Variants in LRRC4C observed in about 807,000 individuals in gnomAD.
LRRC4C encodes leucine rich repeat containing 4C.
LRRC4C carries 5 observed loss-of-function variants against 33.6 expected under a neutral mutation model. The observed-to-expected ratio is 0.15, with a 90% CI of 0.08 to 0.31. The LOEUF (loss-of-function observed/expected upper bound fraction) is 0.31, where lower values mean the gene tolerates loss of function less well. LRRC4C is among the 10% of genes least tolerant of loss of function. The pLI is 1.00. For synonymous variants in LRRC4C, 329 were observed against 302.0 expected, an observed-to-expected ratio of 1.09 and a Z score of -0.93; for missense variants, 560 against 796.7, an observed-to-expected ratio of 0.70 and a Z score of 3.58.
chr11:41,176,899 A>C (rs1945223891), intron 1 of LRRC4C, among the ~76,000 whole-genome samples: 1 of 152,132 alleles, frequency 6.6e-6, no homozygotes, highest in Admixed American at 6.5e-5. Context: ...TAGGAGGCAG[A>C]GGTTGCAGCG....
At chr11:40,194,623 G>C (rs903267904) in intron 5 of LRRC4C, among the ~76,000 whole-genome samples, 1 of 151,676 alleles carries the variant, frequency 6.6e-6, no homozygotes, top group Non-Finnish European at 1.5e-5. Context: ...CCTGTCGGGG[G>C]GTGGGGGGCA....
intron 3 of LRRC4C, among the ~76,000 whole-genome samples, chr11:40,327,257 C>T (rs1946145951): frequency 6.6e-6 from 1 of 152,176 alleles, no homozygotes; most frequent in Non-Finnish European, 1.5e-5. Flanking sequence ...TCAACAGAGG[C>T]TGCTTCTGGA....
chr11:41,019,741 T>C (rs978953464), intron 1 of LRRC4C, among the ~76,000 whole-genome samples: 1 of 152,192 alleles, frequency 6.6e-6, no homozygotes, highest in African/African-American at 2.4e-5. Context: ...TATCTCACTG[T>C]GGTTTTGATT....
intron 2 of LRRC4C, among the ~76,000 whole-genome samples, chr11:40,730,833 C>T (rs546916906): frequency 6.6e-6 from 1 of 152,298 alleles, no homozygotes; most frequent in Non-Finnish European, 1.5e-5. Flanking sequence ...CCCACCTTTT[C>T]TGCTTAATAT....
At chr11:41,241,838 G>A (rs1948262953) in intron 1 of LRRC4C, among the ~76,000 whole-genome samples, 1 of 152,140 alleles carries the variant, frequency 6.6e-6, no homozygotes, top group African/African-American at 2.4e-5. Flanking sequence ...GTTGTGCTCA[G>A]TGCAAGCCCA....
Position 40,114,328 on chromosome 11 carries a change from CT to C in LRRC4C, c.*41del, listed in dbSNP as rs371765675. 2.8e-4 allele frequency: 425 copies of C among 1,492,038 alleles called. No homozygotes were observed. The highest frequency in any genetic ancestry group is 7.6e-4 in the South Asian group (54 of 71,044). The allele number at this position is 1,492,038 out of a possible 1,614,324, so 92.4% of individuals were successfully genotyped here. On this transcript the variant is annotated 3_prime_UTR_variant, in exon 7 of 7. Coordinates refer to ENST00000528697, the MANE Select transcript of LRRC4C (RefSeq NM_001258419.2). The stretch of plus-strand genomic sequence containing the variant: ...ATTTGTGTCATTTTTAATAAACTGT[CT>C]TTTTTTTTGATTGTTTGTTTTTTGT...
At chr11:41,279,776 T>A (rs913361013) in intron 1 of LRRC4C, among the ~76,000 whole-genome samples, 5 of 152,142 alleles carry the variant, frequency 3.3e-5, no homozygotes, top group African/African-American at 1.2e-4. Context: ...GGAAAATATC[T>A]TTAATTACTA....
intron 3 of LRRC4C, among the ~76,000 whole-genome samples, chr11:40,495,890 T>C (rs1481333422): frequency 7.2e-6 from 1 of 139,702 alleles, no homozygotes; most frequent in Non-Finnish European, 1.5e-5. Context: ...AGTGTAGTGA[T>C]GCGATCTCAG....
At chr11:40,496,491 C>G (rs751407927) in intron 3 of LRRC4C, among the ~76,000 whole-genome samples, 2 of 151,988 alleles carry the variant, frequency 1.3e-5, no homozygotes, top group Non-Finnish European at 2.9e-5. Context: ...ATAGGAAAAC[C>G]TATTTCATAT....
At chr11:40,668,544 C>G (rs1053984026) in intron 2 of LRRC4C, among the ~76,000 whole-genome samples, 2 of 152,168 alleles carry the variant, frequency 1.3e-5, no homozygotes, top group African/African-American at 4.8e-5. Flanking sequence ...CCAGAATTTT[C>G]TCTCCCATCC....
chr11:40,946,182 G>A (rs1429230029), intron 1 of LRRC4C, among the ~76,000 whole-genome samples: 2 of 152,104 alleles, frequency 1.3e-5, no homozygotes, highest in African/African-American at 4.8e-5. Context: ...GTGAGGAAGT[G>A]CAGTATTTGG....
intron 3 of LRRC4C, among the ~76,000 whole-genome samples, chr11:40,502,508 G>C (rs981351561): frequency 3.9e-5 from 6 of 152,192 alleles, no homozygotes; most frequent in South Asian, 2.1e-4. Context: ...GGCAGCAAGA[G>C]AGAATGAGGC....
intron 2 of LRRC4C, among the ~76,000 whole-genome samples, chr11:40,656,867 T>C (rs1943148383): frequency 6.6e-6 from 1 of 152,214 alleles, no homozygotes; most frequent in South Asian, 2.1e-4. Flanking sequence ...CCTAAAGTGG[T>C]TGGTAAATTG....
intron 2 of LRRC4C, among the ~76,000 whole-genome samples, chr11:40,856,028 T>G (rs1272771220): frequency 6.6e-6 from 1 of 152,124 alleles, no homozygotes; most frequent in Non-Finnish European, 1.5e-5. Context: ...ATTTTTTACT[T>G]TTTCTTTCTG....
intron 3 of LRRC4C, among the ~76,000 whole-genome samples, chr11:40,583,972 T>C (rs1958589899): frequency 6.6e-6 from 1 of 151,610 alleles, no homozygotes; most frequent in African/African-American, 2.4e-5. Flanking sequence ...TTAAAGTTAC[T>C]GACAAAACAA....
chr11:41,243,345 T>C (rs1442931218), intron 1 of LRRC4C, among the ~76,000 whole-genome samples: 1 of 152,216 alleles, frequency 6.6e-6, no homozygotes, highest in Non-Finnish European at 1.5e-5. Flanking sequence ...GAAACACATA[T>C]TTTGTCAAAC....
chr11:41,243,922 T>G (rs769954331), intron 1 of LRRC4C, among the ~76,000 whole-genome samples: 7 of 152,132 alleles, frequency 4.6e-5, no homozygotes, highest in Non-Finnish European at 8.8e-5. Flanking sequence ...TTTTAAGTGA[T>G]TGACCTAAGA....
At chr11:40,881,463 C>T (rs1002894014) in intron 2 of LRRC4C, among the ~76,000 whole-genome samples, 2 of 152,056 alleles carry the variant, frequency 1.3e-5, no homozygotes, top group African/African-American at 2.4e-5. Flanking sequence ...GCAATAAAAA[C>T]AAATCAGATT....
intron 2 of LRRC4C, among the ~76,000 whole-genome samples, chr11:40,896,877 A>C (rs1314999670): frequency 6.6e-6 from 1 of 152,210 alleles, no homozygotes; most frequent in East Asian, 1.9e-4. Context: ...CACTTCACTG[A>C]TATCACAGAA....
Sources: allele counts gnomAD v4.1 joint callset (sites outside exome capture counted in the v4.1 genomes callset), GRCh38; gene constraint gnomAD v4.1.1; transcripts MANE v1.5; gene names NCBI Gene and HGNC (gene_info 2026-07-23, HGNC 2026-07-21).